The following FRMD4A variants were observed in gnomAD, a reference collection of about 807,000 sequenced individuals.
FRMD4A encodes FERM domain-containing protein 4A.
A neutral mutation model predicts 129.1 loss-of-function variants in FRMD4A; 29 were observed. The observed-to-expected ratio is 0.22, with a 90% confidence interval of 0.17 to 0.31. The LOEUF (loss-of-function observed/expected upper bound fraction) is 0.31. Among genes scored for constraint, FRMD4A ranks in the 10% least tolerant of loss-of-function variants. The pLI, the probability that FRMD4A is intolerant of heterozygous loss-of-function variation, is 1.00. For missense variants in FRMD4A, 1,272 were observed against 1,375.8 expected, an observed-to-expected ratio of 0.92 and a Z score of 1.19; for synonymous variants, 634 against 571.6, an observed-to-expected ratio of 1.11 and a Z score of -1.56.
chr10:13,924,597 T>G (rs1332474441), intron 2 of FRMD4A, among the ~76,000 whole-genome samples: 1 of 152,100 alleles, frequency 6.6e-6, no homozygotes, highest in East Asian at 1.9e-4. Flanking sequence ...TTACTCTCCA[T>G]CCTCCTAGAC....
intron 2 of FRMD4A, among the ~76,000 whole-genome samples, chr10:14,130,665 A>C (rs750327783): frequency 3.9e-5 from 6 of 152,200 alleles, no homozygotes; most frequent in Non-Finnish European, 8.8e-5. Flanking sequence ...GTAGTTTCTT[A>C]TTCAAATTTG....
intron 2 of FRMD4A, among the ~76,000 whole-genome samples, chr10:14,161,915 T>C (rs373592102): frequency 3.9e-5 from 6 of 152,064 alleles, no homozygotes; most frequent in East Asian, 3.8e-4. Flanking sequence ...ATGTATGCCA[T>C]GAATATGTAC....
intron 2 of FRMD4A, among the ~76,000 whole-genome samples, chr10:13,942,471 G>T (rs1021367086): frequency 1.3e-5 from 2 of 152,126 alleles, no homozygotes; most frequent in Admixed American, 1.3e-4. Context: ...CAGGTCTGAG[G>T]CCAGCCCAGA....
intron 2 of FRMD4A, among the ~76,000 whole-genome samples, chr10:14,124,542 G>C (rs1249277674): frequency 1.3e-5 from 2 of 152,182 alleles, no homozygotes; most frequent in Admixed American, 6.5e-5. Context: ...CGGGCATGGT[G>C]GTGGGCACCT....
chr10:14,155,205 G>T (rs965527385), intron 2 of FRMD4A, among the ~76,000 whole-genome samples: 1 of 152,228 alleles, frequency 6.6e-6, no homozygotes, highest in Non-Finnish European at 1.5e-5. Flanking sequence ...TGAGGCAGGA[G>T]GATCACTTGA....
At chr10:14,048,902 G>GAAT (rs1174889801) in intron 2 of FRMD4A, among the ~76,000 whole-genome samples, 1 of 122,708 alleles carries the variant, frequency 8.1e-6, no homozygotes, top group African/African-American at 3.6e-5. Flanking sequence ...GAATAGAATA[G>GAAT]AAAATAAAAT....
At chr10:13,938,951 C>T (rs191479169) in intron 2 of FRMD4A, among the ~76,000 whole-genome samples, 13 of 151,762 alleles carry the variant, frequency 8.6e-5, no homozygotes, top group East Asian at 1.9e-4. Flanking sequence ...ACCTGGAAGG[C>T]GCTACCAGCA....
At chr10:13,812,056 T>C (rs2093458283) in intron 3 of FRMD4A, among the ~76,000 whole-genome samples, 4 of 152,158 alleles carry the variant, frequency 2.6e-5, no homozygotes, top group Admixed American at 2.6e-4. Context: ...CGAATTTTTG[T>C]ATTTTTAGTA....
intron 2 of FRMD4A, among the ~76,000 whole-genome samples, chr10:14,139,903 A>G (rs1019523622): frequency 6.6e-6 from 1 of 152,168 alleles, no homozygotes; most frequent in Non-Finnish European, 1.5e-5. Flanking sequence ...ACACACTACT[A>G]GACAATTTAG....
chr10:13,802,151 G>A (rs998150033), intron 4 of FRMD4A, among the ~76,000 whole-genome samples: 1 of 152,190 alleles, frequency 6.6e-6, no homozygotes, highest in African/African-American at 2.4e-5. Context: ...TAATAAATAT[G>A]CAATTGCTTC....
chr10:13,947,865 C>T (rs1281549818), intron 2 of FRMD4A, among the ~76,000 whole-genome samples: 6 of 151,968 alleles, frequency 3.9e-5, no homozygotes, highest in Admixed American at 3.3e-4. Context: ...ATATTCTGGC[C>T]TGTGCATGTC....
At chr10:14,039,379 C>CTATCTATCTATCT (rs1565204362) in intron 2 of FRMD4A, among the ~76,000 whole-genome samples, 1 of 110,924 alleles carries the variant, frequency 9.0e-6, no homozygotes, top group African/African-American at 4.4e-5. Flanking sequence ...TCCATCCATC[C>CTATCTATCTATCT]ATCCATCCAT....
chr10:13,731,457 T>G (rs142198968), intron 12 of FRMD4A, among the ~76,000 whole-genome samples: 2,246 of 152,270 alleles, frequency 0.015, 20 homozygotes, highest in Middle Eastern at 0.027. Context: ...AAGACCAACC[T>G]GGCCAACATG....
intron 2 of FRMD4A, among the ~76,000 whole-genome samples, chr10:14,240,312 T>C (rs1393571650): frequency 2.6e-5 from 4 of 152,204 alleles, no homozygotes; most frequent in African/African-American, 9.7e-5. Context: ...TCTCAGACTT[T>C]CCTCCAGTGC....
At chr10:13,947,857 A>G (rs2941684) in intron 2 of FRMD4A, among the ~76,000 whole-genome samples, 2,509 of 152,154 alleles carry the variant, frequency 0.016, 72 homozygotes, top group African/African-American at 0.058. Context: ...CTTTTCAAAT[A>G]TTCTGGCCTG....
chr10:13,829,185 A>G (rs147529663), intron 3 of FRMD4A, among the ~76,000 whole-genome samples: 2 of 152,280 alleles, frequency 1.3e-5, no homozygotes, highest in East Asian at 3.9e-4. Flanking sequence ...GTGAGGTGGA[A>G]TAGGATTTTA....
intron 2 of FRMD4A, among the ~76,000 whole-genome samples, chr10:13,934,373 C>T (rs17550219): frequency 0.17 from 25,320 of 152,130 alleles, 2,310 homozygotes; most frequent in Non-Finnish European, 0.2. Flanking sequence ...CAAATGTCTA[C>T]GGATCCACTT....
Position 13,785,255 on chromosome 10 carries a change from T to C in FRMD4A, c.300-2249A>G, listed in dbSNP as rs1016498984. Among the ~76,000 whole-genome samples, 13 of 152,340 alleles carry C rather than the reference T, an allele frequency of 8.5e-5. 1 individual carries two copies. The East Asian group carries it at 2.5e-3, about 29-fold the overall frequency. ...TGGAGTAACTTCAGACATTAAATTT[T>C]CTCAATCCACAGATATCATTAGTAC... On this transcript the variant is annotated intron_variant, in intron 5 of 24. Transcript: ENST00000357447.
At chr10:13,766,290 G>A (rs2092285081) in intron 6 of FRMD4A, among the ~76,000 whole-genome samples, 2 of 152,178 alleles carry the variant, frequency 1.3e-5, no homozygotes, top group South Asian at 4.1e-4. Flanking sequence ...CACCATAGTT[G>A]TTCTCGGGTT....
Sources: gnomAD v4.1 joint callset for allele counts (sites outside exome capture counted in the v4.1 genomes callset) on GRCh38, gnomAD v4.1.1 for gene constraint, MANE v1.5 for transcripts, NCBI Gene and HGNC (gene_info 2026-07-23, HGNC 2026-07-21) for gene names.